The following MAD1L1 variants were observed in gnomAD, a reference collection of about 807,000 sequenced individuals.
MAD1L1 encodes mitotic spindle assembly checkpoint protein MAD1.
In MAD1L1, 95 loss-of-function variants were observed where a neutral mutation model predicts 96.9. The observed-to-expected ratio is 0.98, with a 90% CI of 0.83 to 1.16. The LOEUF is 1.16. MAD1L1 is among the 50% of genes most tolerant of loss of function. The pLI, the probability that MAD1L1 is intolerant of heterozygous loss-of-function variation, is 0.00. For missense variants in MAD1L1, 1,007 were observed against 954.4 expected (o/e 1.06, Z -0.73); for synonymous variants, 473 against 396.6 (o/e 1.19, Z -2.29).
intron 14 of MAD1L1, among the ~76,000 whole-genome samples, chr7:2,000,404 C>G (rs536897639): frequency 6.6e-6 from 1 of 152,296 alleles, no homozygotes; most frequent in South Asian, 2.1e-4. Context: ...TGTGTCACCA[C>G]CTCCTCCACC....
intron 3 of MAD1L1, among the ~76,000 whole-genome samples, chr7:2,227,485 G>A (rs1793962869): frequency 6.6e-6 from 1 of 152,100 alleles, no homozygotes; most frequent in Non-Finnish European, 1.5e-5. Context: ...CTGCTGGCTG[G>A]CGTCCAGGGG....
rs144822252 is a variant in MAD1L1 at position 1,920,417 on chromosome 7, A to G, written c.1807+16270T>C. Reference sequence around the variant, plus strand: ...GAGACTCGGCTGCCGTGGCAGCCTCACACTGTGTTGTGGACCCAGCGATTC... The same window carrying G: ...GAGACTCGGCTGCCGTGGCAGCCTCGCACTGTGTTGTGGACCCAGCGATTC... On this transcript the variant is annotated intron_variant, in intron 17 of 18. Coordinates refer to ENST00000265854, the MANE Select transcript of MAD1L1 (RefSeq NM_001013836.2). 7.4e-3 allele frequency among the ~76,000 whole-genome samples: 1,128 copies of G among 152,262 alleles called. 24 individuals carry two copies. The highest frequency in any genetic ancestry group is 0.026 in the African/African-American group (1,071 of 41,542).
At chr7:2,014,866 G>A (rs1034442584) in intron 12 of MAD1L1, among the ~76,000 whole-genome samples, 1 of 152,200 alleles carries the variant, frequency 6.6e-6, no homozygotes, top group African/African-American at 2.4e-5. Context: ...GCTTTGCCTC[G>A]GCACCCGCTC....
chr7:2,124,962 G>A (rs1018746518), intron 11 of MAD1L1, among the ~76,000 whole-genome samples: 1 of 152,160 alleles, frequency 6.6e-6, no homozygotes, highest in Non-Finnish European at 1.5e-5. Flanking sequence ...CAGTGAGCAC[G>A]GAGGACACAC....
intron 12 of MAD1L1, among the ~76,000 whole-genome samples, chr7:2,060,107 G>A (rs977994121): frequency 2.0e-5 from 3 of 150,188 alleles, no homozygotes; most frequent in African/African-American, 4.9e-5. Context: ...GCCGAGATAC[G>A]CCGAAGCCAA....
chr7:2,168,859 A>G (rs202054070), intron 10 of MAD1L1, among the ~76,000 whole-genome samples: 2 of 152,304 alleles, frequency 1.3e-5, no homozygotes, highest in East Asian at 1.9e-4. Context: ...TTTTATTCCG[A>G]GTGTGCTAAG....
chr7:2,229,098 C>T (rs1344402319), intron 3 of MAD1L1, among the ~76,000 whole-genome samples: 1 of 152,212 alleles, frequency 6.6e-6, no homozygotes, highest in African/African-American at 2.4e-5. Flanking sequence ...CACACGCACA[C>T]ACAGTTTAAC....
At position 1,949,839 on chromosome 7, in the gene MAD1L1, C is replaced by T. The variant is rs1208348234; in HGVS notation, c.1596+7790G>A. ...TGCGGGGCACTTGCAGACAGGGCCACGGCCCTTGCTTCCCAGAGGAGGCCC... is the reference window on the plus strand; with the variant it reads ...TGCGGGGCACTTGCAGACAGGGCCATGGCCCTTGCTTCCCAGAGGAGGCCC... On this transcript the variant is annotated intron_variant, in intron 16 of 18. Transcript: ENST00000265854. Among the ~76,000 whole-genome samples, 6 of 152,218 alleles carry T rather than the reference C, an allele frequency of 3.9e-5. No individual in the cohort carries two copies. The South Asian group carries it at 8.3e-4, about 21-fold the overall frequency.
intron 12 of MAD1L1, among the ~76,000 whole-genome samples, chr7:2,065,045 C>T (rs1208842190): frequency 6.6e-6 from 1 of 152,314 alleles, no homozygotes; most frequent in African/African-American, 2.4e-5. Context: ...AGAGCAGAGG[C>T]TTCTTTCAGG....
intron 10 of MAD1L1, among the ~76,000 whole-genome samples, chr7:2,152,745 A>G (rs1450646301): frequency 1.3e-5 from 2 of 152,186 alleles, no homozygotes; most frequent in Non-Finnish European, 2.9e-5. Context: ...GGTACAGTGC[A>G]CTGCTATTAC....
chr7:1,996,130 C>A (rs963910744), intron 14 of MAD1L1, among the ~76,000 whole-genome samples: 16 of 151,942 alleles, frequency 1.1e-4, no homozygotes, highest in Non-Finnish European at 2.2e-4. Flanking sequence ...CCCTGCCGGT[C>A]TACACACAGC....
intron 17 of MAD1L1, among the ~76,000 whole-genome samples, chr7:1,934,334 C>T (rs56093134): frequency 0.16 from 24,137 of 152,274 alleles, 2,471 homozygotes; most frequent in South Asian, 0.27. Context: ...CACCCGCGTG[C>T]CTGAGACGCG....
intron 17 of MAD1L1, 81 bp from the exon 18 acceptor site, chr7:1,898,471 G>T: frequency 7.9e-7 from 1 of 1,272,812 alleles, no homozygotes. Context: ...GGGCAGGGAG[G>T]AAGCCGAGTA....
chr7:2,158,797 A>G (rs1375047527), intron 10 of MAD1L1, among the ~76,000 whole-genome samples: 2 of 151,210 alleles, frequency 1.3e-5, no homozygotes, highest in African/African-American at 4.9e-5. Flanking sequence ...AAGACAGGGG[A>G]CTAATGCCAT....
At chr7:2,232,382 G>C (rs1430257068) in intron 1 of MAD1L1, among the ~76,000 whole-genome samples, 1 of 152,254 alleles carries the variant, frequency 6.6e-6, no homozygotes, top group African/African-American at 2.4e-5. Context: ...TCCCCGAGGG[G>C]AAACCGGGCC....
In MAD1L1 at chr7:2,163,467, C is replaced by T. The variant is rs538771239; in HGVS notation, c.987-14229G>A. Reference sequence around the variant, plus strand: ...CGGCTCACTGCAACCTCTGCCCCCCCGGTTCAAGCGATTCTTCTGCCTCAG... The same window carrying T: ...CGGCTCACTGCAACCTCTGCCCCCCTGGTTCAAGCGATTCTTCTGCCTCAG... On this transcript the variant is annotated intron_variant, in intron 10 of 18. Transcript: ENST00000265854. Among the ~76,000 whole-genome samples the T allele has an allele frequency of 3.9e-5, 6 of 152,234 alleles. No individual in the cohort carries two copies. The East Asian group carries it at 9.7e-4, about 25-fold the overall frequency.
At chr7:2,120,804 C>T (rs1233769552) in intron 11 of MAD1L1, among the ~76,000 whole-genome samples, 3 of 152,284 alleles carry the variant, frequency 2.0e-5, no homozygotes, top group South Asian at 2.1e-4. Flanking sequence ...GGGAGGAACT[C>T]GGGGGACAGC....
At chr7:1,823,529 G>A (rs577666011) in intron 18 of MAD1L1, among the ~76,000 whole-genome samples, 2 of 152,254 alleles carry the variant, frequency 1.3e-5, no homozygotes, top group South Asian at 2.1e-4. Context: ...AGGGGACCCT[G>A]GCACCTGGAG....
At chr7:1,917,948 C>T (rs897846252) in intron 17 of MAD1L1, among the ~76,000 whole-genome samples, 2 of 152,186 alleles carry the variant, frequency 1.3e-5, no homozygotes, top group African/African-American at 4.8e-5. Context: ...CATCAGGCCC[C>T]ACCCTGTGGT....
Sources: gnomAD v4.1 joint callset for allele counts (sites outside exome capture counted in the v4.1 genomes callset) on GRCh38, gnomAD v4.1.1 for gene constraint, MANE v1.5 for transcripts, NCBI Gene and HGNC (gene_info 2026-07-23, HGNC 2026-07-21) for gene names.